The following TMEM132C variants were observed in gnomAD, a reference collection of about 807,000 sequenced individuals.
TMEM132C encodes protein phosphatase 1, regulatory subunit 152.
A neutral mutation model predicts 61.4 loss-of-function variants in TMEM132C; 29 were observed. The ratio of observed to expected loss-of-function variants is 0.47; its 90% CI spans 0.35 to 0.64. The LOEUF is 0.64. Ranked by LOEUF, TMEM132C falls within the 30% of genes least tolerant of loss-of-function variation. TMEM132C has a pLI of 0.00. For synonymous variants in TMEM132C, 656 were observed against 633.1 expected, an observed-to-expected ratio of 1.04 and a Z score of -0.54; for missense variants, 1,408 against 1,476.9, an observed-to-expected ratio of 0.95 and a Z score of 0.76.
At chr12:128,511,765 G>A (rs191753564) in intron 2 of TMEM132C, among the ~76,000 whole-genome samples, 17 of 152,284 alleles carry the variant, frequency 1.1e-4, no homozygotes, top group African/African-American at 1.7e-4. Flanking sequence ...TGTATGGCCC[G>A]CACCCCACCC....
In TMEM132C at chr12:128,707,693, C is replaced by G. The variant is rs966279878; in HGVS notation, c.*1398C>G. On this transcript the variant is annotated 3_prime_UTR_variant, in exon 9 of 9. Coordinates refer to ENST00000435159, the MANE Select transcript of TMEM132C (RefSeq NM_001136103.3). ...GAAGATGCCTGACAGCCCTCATGCT[C>G]TCCGCAGGGGGGCGCTCACAAAGAT... 2.6e-5 allele frequency: 4 copies of G among 152,176 alleles called. No homozygotes were observed. The highest frequency in any genetic ancestry group is 9.7e-5 in the African/African-American group (4 of 41,446). The allele number at this position is 152,176 out of a possible 1,614,324, so 9.4% of individuals were successfully genotyped here. A position where few individuals can be genotyped will look rare whatever the true frequency, so the allele number is the denominator to read the frequency against.
intron 5 of TMEM132C, among the ~76,000 whole-genome samples, chr12:128,692,120 C>T (rs1206089004): frequency 1.3e-5 from 2 of 152,118 alleles, no homozygotes; most frequent in East Asian, 1.9e-4. Flanking sequence ...TGCATCCACC[C>T]ATCAGCTCAT....
At chr12:128,547,994 A>G (rs1302436267) in intron 3 of TMEM132C, among the ~76,000 whole-genome samples, 9 of 151,882 alleles carry the variant, frequency 5.9e-5, no homozygotes, top group African/African-American at 1.9e-4. Flanking sequence ...ATCCCCCATG[A>G]CCACTCACCC....
intron 1 of TMEM132C, among the ~76,000 whole-genome samples, chr12:128,267,748 C>G (rs947634198): frequency 1.1e-4 from 17 of 152,206 alleles, no homozygotes; most frequent in East Asian, 1.9e-4. Context: ...AGAGCTGCCC[C>G]GCGGATGAGG....
intron 1 of TMEM132C, among the ~76,000 whole-genome samples, chr12:128,268,385 C>T (rs1252072659): frequency 6.6e-6 from 1 of 152,218 alleles, no homozygotes; most frequent in African/African-American, 2.4e-5. Flanking sequence ...CGGGGAGAGG[C>T]GGTCTCCAGC....
intron 1 of TMEM132C, among the ~76,000 whole-genome samples, chr12:128,348,492 T>C (rs1434489280): frequency 1.3e-5 from 2 of 152,234 alleles, no homozygotes; most frequent in Non-Finnish European, 2.9e-5. Context: ...AGAGCAAACA[T>C]CTTTGTTCTA....
At chr12:128,375,210 A>G (rs1394076707) in intron 1 of TMEM132C, among the ~76,000 whole-genome samples, 1 of 151,598 alleles carries the variant, frequency 6.6e-6, no homozygotes, top group South Asian at 2.1e-4. Context: ...CCTGGTTGAA[A>G]AGCACTGGGG....
intron 2 of TMEM132C, among the ~76,000 whole-genome samples, chr12:128,476,082 C>A (rs1206307480): frequency 6.6e-6 from 1 of 152,194 alleles, no homozygotes; most frequent in Non-Finnish European, 1.5e-5. Context: ...CTGCTTTCCT[C>A]CAGGTAGGCA....
At chr12:128,518,592 A>G (rs920374682) in intron 2 of TMEM132C, among the ~76,000 whole-genome samples, 7 of 152,212 alleles carry the variant, frequency 4.6e-5, no homozygotes, top group Non-Finnish European at 1.0e-4. Context: ...AATTATGCAA[A>G]CATTTCATGA....
intron 3 of TMEM132C, 72 bp from the exon 4 acceptor site, chr12:128,616,080 C>A (rs762619716): frequency 6.8e-7 from 1 of 1,469,980 alleles, no homozygotes; most frequent in Non-Finnish European, 9.1e-7. Context: ...TTATCTTCTG[C>A]GTACTATTAT....
intron 2 of TMEM132C, among the ~76,000 whole-genome samples, chr12:128,426,004 G>A (rs1036796473): frequency 3.9e-5 from 6 of 152,200 alleles, no homozygotes; most frequent in Non-Finnish European, 8.8e-5. Flanking sequence ...ACCCATGGCC[G>A]AGAATACAGA....
At chr12:128,552,472 C>T (rs867987067) in intron 3 of TMEM132C, among the ~76,000 whole-genome samples, 1 of 152,022 alleles carries the variant, frequency 6.6e-6, no homozygotes, top group Non-Finnish European at 1.5e-5. Context: ...AAGACACTCA[C>T]GGGAAGTAAG....
At chr12:128,601,247 G>A (rs1373783908) in intron 3 of TMEM132C, among the ~76,000 whole-genome samples, 1 of 152,174 alleles carries the variant, frequency 6.6e-6, no homozygotes, top group Non-Finnish European at 1.5e-5. Context: ...ATGCAGAGAG[G>A]CCTACTCCCT....
At position 128,421,404 on chromosome 12, in the gene TMEM132C, T is replaced by C. The variant is rs1317074738; in HGVS notation, c.974+5784T>C. On this transcript the variant is annotated intron_variant, in intron 2 of 8. Transcript: ENST00000435159. ...GAGGTCCATTGCTGGATCTTTTCTA[T>C]TGGGAAATTCATGGAGGACATGCAG... Among the ~76,000 whole-genome samples, 6 of 152,234 alleles carry C rather than the reference T, an allele frequency of 3.9e-5. 1 individual carries two copies.
At chr12:128,641,175 C>A (rs1208811430) in intron 4 of TMEM132C, among the ~76,000 whole-genome samples, 2 of 152,112 alleles carry the variant, frequency 1.3e-5, no homozygotes, top group Non-Finnish European at 2.9e-5. Context: ...CCTCCTCAGC[C>A]TTCAGGCCTC....
chr12:128,667,173 T>C (rs1296481711), intron 4 of TMEM132C, among the ~76,000 whole-genome samples: 2 of 152,060 alleles, frequency 1.3e-5, no homozygotes, highest in Non-Finnish European at 2.9e-5. Flanking sequence ...TGGAGTGCAA[T>C]TTAGGGACAG....
chr12:128,456,624 T>C (rs900707380), intron 2 of TMEM132C, among the ~76,000 whole-genome samples: 2 of 151,978 alleles, frequency 1.3e-5, no homozygotes, highest in African/African-American at 2.4e-5. Flanking sequence ...CCCAGGCCAG[T>C]TGCAAACTCT....
chr12:128,315,563 C>G (rs946022659), intron 1 of TMEM132C, among the ~76,000 whole-genome samples: 1 of 152,098 alleles, frequency 6.6e-6, no homozygotes, highest in Non-Finnish European at 1.5e-5. Flanking sequence ...CAGGTTGACT[C>G]TCTTGCAGGA....
At chr12:128,367,254 A>T (rs774817926) in intron 1 of TMEM132C, among the ~76,000 whole-genome samples, 8 of 152,170 alleles carry the variant, frequency 5.3e-5, no homozygotes, top group Non-Finnish European at 1.2e-4. Flanking sequence ...TAAGAGGTTG[A>T]TCAGTTTCCA....
Sources: gnomAD v4.1 joint callset for allele counts (sites outside exome capture counted in the v4.1 genomes callset) on GRCh38, gnomAD v4.1.1 for gene constraint, MANE v1.5 for transcripts, NCBI Gene and HGNC (gene_info 2026-07-23, HGNC 2026-07-21) for gene names.